THSD7A: variants seen among roughly 807,000 people sequenced by gnomAD.
THSD7A encodes thrombospondin type-1 domain-containing protein 7A.
In THSD7A, 96 loss-of-function variants were observed where a neutral mutation model predicts 231.3. The observed-to-expected ratio is 0.41, with a 90% confidence interval of 0.35 to 0.49. The LOEUF is 0.49. Among genes scored for constraint, THSD7A ranks in the 20% least tolerant of loss-of-function variants. The probability of loss-of-function intolerance (pLI) is 0.05; values close to 1 mark genes in which losing one functional copy is unlikely to be tolerated. For missense variants in THSD7A, 2,290 were observed against 2,070.2 expected, an observed-to-expected ratio of 1.11 and a Z score of -2.06; for synonymous variants, 940 against 743.3, an observed-to-expected ratio of 1.26 and a Z score of -4.30.
rs1352945663 is a variant in THSD7A, at chr7:11,411,198, T to G, written c.3798+9A>C. Reference sequence around the variant, plus strand: ...TTACTCGCGAAGATATAACACAGCATCCACCTACCGCTTCACAATATTTCA... The same window carrying G: ...TTACTCGCGAAGATATAACACAGCAGCCACCTACCGCTTCACAATATTTCA... On this transcript the variant is annotated intron_variant, in intron 19 of 27. Transcript: ENST00000423059. This position sits in a 1 kb window ranked among gnomAD's most constrained non-coding sequence, Gnocchi z 4.1. 5.6e-6 allele frequency: 9 copies of G among 1,600,166 alleles called. No homozygotes were observed. The highest frequency in any genetic ancestry group is 7.7e-6 in the Non-Finnish European group (9 of 1,168,168).
chr7:11,518,380 A>G (rs1443938523), intron 6 of THSD7A, among the ~76,000 whole-genome samples: 1 of 152,140 alleles, frequency 6.6e-6, no homozygotes, highest in Non-Finnish European at 1.5e-5. Context: ...AATGGGTAGA[A>G]TTTCAGTAGA....
chr7:11,786,771 A>AAAG (rs1554278144), intron 1 of THSD7A, among the ~76,000 whole-genome samples: 9 of 148,342 alleles, frequency 6.1e-5, no homozygotes, highest in African/African-American at 2.3e-4. Context: ...AAAAAAAAAA[A>AAAG]AAAAAAAAAG....
At chr7:11,498,520 C>T (rs1036086726) in intron 6 of THSD7A, among the ~76,000 whole-genome samples, 1 of 152,168 alleles carries the variant, frequency 6.6e-6, no homozygotes, top group Non-Finnish European at 1.5e-5. Flanking sequence ...GGTGGGCCAC[C>T]ATCTTTGCTG....
At chr7:11,655,892 C>A (rs930819298) in intron 1 of THSD7A, among the ~76,000 whole-genome samples, 1 of 151,854 alleles carries the variant, frequency 6.6e-6, no homozygotes, top group African/African-American at 2.4e-5. Context: ...ACTCAGCTGC[C>A]TAAGGACAAA....
intron 1 of THSD7A, among the ~76,000 whole-genome samples, chr7:11,755,428 C>A (rs1782639859): frequency 6.6e-6 from 1 of 152,056 alleles, no homozygotes; most frequent in Admixed American, 6.6e-5. Context: ...TAGTTAAAGT[C>A]CTCCATGATT....
chr7:11,394,786 C>T (rs1372096893), intron 23 of THSD7A, among the ~76,000 whole-genome samples: 1 of 152,178 alleles, frequency 6.6e-6, no homozygotes, highest in South Asian at 2.1e-4. Context: ...GCTGCTCTTA[C>T]ACTGCATACC....
intron 6 of THSD7A, among the ~76,000 whole-genome samples, chr7:11,524,781 G>A (rs968943706): frequency 1.3e-5 from 2 of 152,150 alleles, no homozygotes; most frequent in South Asian, 4.1e-4. Context: ...AAGGGTAAAA[G>A]TGGAAAGAAA....
chr7:11,674,112 G>A (rs1783534437), intron 1 of THSD7A, among the ~76,000 whole-genome samples: 1 of 151,968 alleles, frequency 6.6e-6, no homozygotes, highest in African/African-American at 2.4e-5. Context: ...CCTGAGGTAG[G>A]GGAGAGTGAG....
intron 4 of THSD7A, among the ~76,000 whole-genome samples, chr7:11,545,409 G>A (rs1318109228): frequency 6.6e-6 from 1 of 152,102 alleles, no homozygotes; most frequent in African/African-American, 2.4e-5. Flanking sequence ...AGCAAACATT[G>A]TTTTATTAAG....
At position 11,371,056 on chromosome 7, in the gene THSD7A, A is replaced by G. The variant is rs1782033771; in HGVS notation, c.*4738T>C. 6.6e-6 allele frequency: 1 copy of G among 152,198 alleles called. No individual in the cohort carries two copies. Among genetic ancestry groups the G allele is most frequent in the South Asian group, 2.1e-4 (1 of 4,828 alleles). 9.4% of individuals were successfully genotyped at this position (152,198 alleles called of 1,614,324 possible). On this transcript the variant is annotated 3_prime_UTR_variant, in exon 28 of 28. Transcript: ENST00000423059. ...ATATAGAGATTTTTGATCACTGAAA[A>G]CATGACTCCCACAAACTAAAGCTCT...
At chr7:11,664,869 T>C (rs1250859464) in intron 1 of THSD7A, among the ~76,000 whole-genome samples, 1 of 152,026 alleles carries the variant, frequency 6.6e-6, no homozygotes, top group East Asian at 1.9e-4. Context: ...TTTTTCCTTA[T>C]CTTCTCTTTC....
intron 7 of THSD7A, among the ~76,000 whole-genome samples, chr7:11,478,106 T>C (rs1786270241): frequency 1.3e-5 from 2 of 152,276 alleles, no homozygotes; most frequent in Admixed American, 1.3e-4. Flanking sequence ...ACTTATTTTG[T>C]CAATTCCCTC....
chr7:11,590,450 C>A lies in THSD7A; in HGVS notation c.1453+10G>T. 1 of 1,603,748 alleles carries A rather than the reference C, an allele frequency of 6.2e-7. No individual in the cohort carries two copies. Among genetic ancestry groups the A allele is most frequent in the South Asian group, 1.1e-5 (1 of 89,380 alleles). ...CATAAGTGAATCCTTGAGAAGAAAG[C>A]AAAGGTTACCTTCTTTGTTCTTGTG... On this transcript the variant is annotated intron_variant, in intron 4 of 27. Coordinates refer to ENST00000423059, the MANE Select transcript of THSD7A (RefSeq NM_015204.3). The surrounding 1 kb of genome is among the most constrained non-coding windows in gnomAD (Gnocchi z 4.4).
Position 11,411,403 on chromosome 7 carries a change from A to AT in THSD7A, c.3683-82dup. On this transcript the variant is annotated intron_variant, in intron 18 of 27. Transcript: ENST00000423059. This position sits in a 1 kb window ranked among gnomAD's most constrained non-coding sequence, Gnocchi z 4.1. ...ATGAAACTCTGATGACCTGAATCCC[A>AT]TATTTAATTCACAACTGCTTCCTAA... is the stretch of plus-strand genomic sequence containing the variant. 2.2e-6 allele frequency: 2 copies of AT among 925,464 alleles called. No individual in the cohort carries two copies. The highest frequency in any genetic ancestry group is 3.4e-6 in the Non-Finnish European group (2 of 595,604). 57.3% of individuals were successfully genotyped at this position (925,464 alleles called of 1,614,324 possible). A position where few individuals can be genotyped will look rare whatever the true frequency, so the allele number is the denominator to read the frequency against.
chr7:11,502,521 C>G (rs756317222), intron 6 of THSD7A, among the ~76,000 whole-genome samples: 14 of 152,022 alleles, frequency 9.2e-5, no homozygotes, highest in Non-Finnish European at 1.8e-4. Flanking sequence ...ATAAACAGAA[C>G]TAAAGAAAAA....
chr7:11,706,630 C>CTTTTTTTTTTTTTTTTTTTTT lies in THSD7A; in HGVS notation c.191-69690_191-69670dup, dbSNP rs66964252. On this transcript the variant is annotated intron_variant, in intron 1 of 27. Transcript: ENST00000423059. ...ATTGACTAAAAATTTTAACAAGGTG[C>CTTTTTTTTTTTTTTTTTTTTT]TTTTTTTTTTTTTTTTTTTTTTTTT... Among the ~76,000 whole-genome samples, 22 of 66,392 alleles carry CTTTTTTTTTTTTTTTTTTTTT rather than the reference C, an allele frequency of 3.3e-4. 2 individuals are homozygous for CTTTTTTTTTTTTTTTTTTTTT. Among genetic ancestry groups the CTTTTTTTTTTTTTTTTTTTTT allele is most frequent in the African/African-American group, 9.3e-4 (15 of 16,100 alleles). The allele number at this position is 66,392 out of a possible 152,430, so 43.6% of individuals were successfully genotyped here.
intron 13 of THSD7A, among the ~76,000 whole-genome samples, chr7:11,440,292 T>G (rs1784762747): frequency 6.6e-6 from 1 of 152,192 alleles, no homozygotes; most frequent in East Asian, 1.9e-4. Context: ...CTAAGAGCTC[T>G]GATGGAGATG....
At chr7:11,535,762 C>G (rs1296823737) in intron 6 of THSD7A, among the ~76,000 whole-genome samples, 1 of 152,034 alleles carries the variant, frequency 6.6e-6, no homozygotes, top group Non-Finnish European at 1.5e-5. Flanking sequence ...GATTCCAGTT[C>G]CAAAGAATGA....
At chr7:11,638,939 T>G (rs965172161) in intron 1 of THSD7A, among the ~76,000 whole-genome samples, 3 of 152,156 alleles carry the variant, frequency 2.0e-5, no homozygotes, top group African/African-American at 7.2e-5. Flanking sequence ...CTAGGAAACT[T>G]CTCAAAATGA....
Sources: allele counts gnomAD v4.1 joint callset (sites outside exome capture counted in the v4.1 genomes callset), GRCh38; gene constraint gnomAD v4.1.1; non-coding constraint Gnocchi (gnomAD v3.1); transcripts MANE v1.5; gene names NCBI Gene and HGNC (gene_info 2026-07-23, HGNC 2026-07-21).